The following RPS6KA4 variants were observed in gnomAD, a reference collection of about 807,000 sequenced individuals.
The protein encoded by RPS6KA4 is ribosomal protein S6 kinase A4.
RPS6KA4 carries 38 observed loss-of-function variants against 89.6 expected under a neutral mutation model. The ratio of observed to expected loss-of-function variants is 0.42; its 90% CI spans 0.33 to 0.56. RPS6KA4 has a LOEUF of 0.56. Among genes scored for constraint, RPS6KA4 ranks in the 20% least tolerant of loss-of-function variants. The pLI is 0.07. For missense variants in RPS6KA4, 873 were observed against 1,098.8 expected (o/e 0.79, Z 2.90); for synonymous variants, 495 against 492.8 (o/e 1.00, Z -0.06).
chr11:64,364,961 C>T (rs12575690), intron 8 of RPS6KA4, among the ~76,000 whole-genome samples: 9,057 of 150,192 alleles, frequency 0.06, 795 homozygotes, highest in African/African-American at 0.19. Context: ...CCATGTTAAC[C>T]AGGCTGGTCT....
chr11:64,359,550 C>G (rs573604616), intron 2 of RPS6KA4, 101 bp downstream of exon 2: 19 of 1,276,268 alleles, frequency 1.5e-5, no homozygotes, highest in African/African-American at 2.9e-5. Flanking sequence ...GCAGGCCCCC[C>G]ACCCTTTCCC....
intron 16 of RPS6KA4, 100 bp from the exon 17 acceptor site, chr11:64,371,183 C>T: frequency 8.5e-7 from 1 of 1,174,902 alleles, no homozygotes; most frequent in South Asian, 1.4e-5. Flanking sequence ...TCGGCCTTGA[C>T]CTAGGCGGCT....
At chr11:64,363,226 CTT>C in intron 8 of RPS6KA4, among the ~76,000 whole-genome samples, 1 of 152,354 alleles carries the variant, frequency 6.6e-6, no homozygotes, top group East Asian at 1.9e-4. Flanking sequence ...AGTGCCATCT[CTT>C]TGAATCTTCC....
intron 2 of RPS6KA4, chr11:64,359,821 T>C (rs918336062): frequency 1.2e-4 from 62 of 533,848 alleles, no homozygotes; most frequent in African/African-American, 1.1e-3. Context: ...CCCAGCCAGG[T>C]GCACACCTCT....
In RPS6KA4 at chr11:64,371,418, C is replaced by G. The variant is rs2037070606; in HGVS notation, c.2257C>G (p.Arg753Gly). 1 of 1,607,910 alleles carries G rather than the reference C, an allele frequency of 6.2e-7. No homozygotes were observed. Among genetic ancestry groups the G allele is most frequent in the Non-Finnish European group, 8.5e-7 (1 of 1,177,308 alleles). Residue 753 changes from arginine (R) to glycine (G), a missense_variant, in exon 17 of 17, where the codon CGA becomes GGA. Coordinates refer to ENST00000334205, the MANE Select transcript of RPS6KA4 (RefSeq NM_003942.3). ...RGSPAPANPG[R>G]APVASKGAPR... ...CTCCCCTGCACCAGCCAACCCGGGC[C>G]GAGCCCCCGTCGCCTCCAAAGGGGC...
chr11:64,368,047 C>T, intron 9 of RPS6KA4, 85 bp from the exon 10 acceptor site: 1 of 1,501,822 alleles, frequency 6.7e-7, no homozygotes, highest in Non-Finnish European at 9.1e-7. Flanking sequence ...AGGGTCTTGC[C>T]TTTGCCTGGT....
Position 64,361,091 on chromosome 11 carries a change from G to T in RPS6KA4, c.463-43G>T. Reference sequence around the variant, plus strand: ...GCCAGGAGCTGGAGGAGCTGGGGAGGGTTTCGGGGAGGAAGCCTCAGCACC... The same window carrying T: ...GCCAGGAGCTGGAGGAGCTGGGGAGTGTTTCGGGGAGGAAGCCTCAGCACC... On this transcript the variant is annotated intron_variant, in intron 4 of 16. Coordinates refer to ENST00000334205, the MANE Select transcript of RPS6KA4 (RefSeq NM_003942.3). This position sits in a 1 kb window ranked among gnomAD's most constrained non-coding sequence, Gnocchi z 4.7. 1 of 1,557,528 alleles carries T rather than the reference G, an allele frequency of 6.4e-7. No individual in the cohort carries two copies. Among genetic ancestry groups the T allele is most frequent in the Non-Finnish European group, 8.8e-7 (1 of 1,134,302 alleles).
At position 64,361,770 on chromosome 11, in the gene RPS6KA4, C is replaced by T. The variant is rs573933783; in HGVS notation, c.755+25C>T. 76 of 1,587,316 alleles carry T rather than the reference C, an allele frequency of 4.8e-5. No individual in the cohort carries two copies. Among genetic ancestry groups the T allele is most frequent in the South Asian group, 2.9e-4 (26 of 89,040 alleles). On this transcript the variant is annotated intron_variant, in intron 7 of 16. Transcript: ENST00000334205. This position sits in a 1 kb window ranked among gnomAD's most constrained non-coding sequence, Gnocchi z 4.7. ...GGTGAGTAGGGCTGGACGTGGAGGGCGGCCAGAGGGCTGCAGGGCCTGCCT... is the reference window on the plus strand; with the variant it reads ...GGTGAGTAGGGCTGGACGTGGAGGGTGGCCAGAGGGCTGCAGGGCCTGCCT...
rs988378759 is a variant in RPS6KA4 at position 64,361,312 on chromosome 11, G to A, written c.570+71G>A. ...TCCTTCCTGCCTCTTCCTGCTCTGG[G>A]CCTGCATTCTGGGGCTGCAGAAGTG... On this transcript the variant is annotated intron_variant, in intron 5 of 16. Coordinates refer to ENST00000334205, the MANE Select transcript of RPS6KA4 (RefSeq NM_003942.3). This position sits in a 1 kb window ranked among gnomAD's most constrained non-coding sequence, Gnocchi z 4.7. 32 of 1,492,822 alleles carry A rather than the reference G, an allele frequency of 2.1e-5. No homozygotes were observed. The highest frequency in any genetic ancestry group is 3.0e-5 in the Non-Finnish European group (32 of 1,077,608). 92.5% of individuals were successfully genotyped at this position (1,492,822 alleles called of 1,614,324 possible). A position where few individuals can be genotyped will look rare whatever the true frequency, so the allele number is the denominator to read the frequency against.
At position 64,371,306 on chromosome 11, in the gene RPS6KA4, G is replaced by GGGCTTCTTCTT; in HGVS notation, c.2154_2155insTTGGCTTCTTC (p.Lys720AlafsTer4). The stretch of plus-strand genomic sequence containing the variant: ...AGGCATTCAACCGGGGCAAGCGGGA[G>GGGCTTCTTCTT]GGCTTCTTCCTGAAGAGCGTGGAGA... On this transcript the variant is annotated frameshift_variant, in exon 17 of 17. Coordinates refer to ENST00000334205, the MANE Select transcript of RPS6KA4 (RefSeq NM_003942.3). LOFTEE classifies it high-confidence loss of function. 1 of 1,612,834 alleles carries GGGCTTCTTCTT rather than the reference G, an allele frequency of 6.2e-7. No homozygotes were observed. The highest frequency in any genetic ancestry group is 1.7e-5 in the Admixed American group (1 of 60,010).
At chr11:64,367,617 C>T (rs988295581) in intron 9 of RPS6KA4, among the ~76,000 whole-genome samples, 2 of 152,202 alleles carry the variant, frequency 1.3e-5, no homozygotes, top group African/African-American at 2.4e-5. Flanking sequence ...GGCCACAACA[C>T]GCAATTAAAA....
At position 64,370,654 on chromosome 11, in the gene RPS6KA4, C is replaced by T. The variant is rs1037901225; in HGVS notation, c.2049C>T (p.Pro683=). The T allele has an allele frequency of 5.7e-6, 9 of 1,572,174 alleles. No individual in the cohort carries two copies. Among genetic ancestry groups the T allele is most frequent in the Non-Finnish European group, 6.9e-6 (8 of 1,165,886 alleles). ...WLQDGSARSS[P]PLRTPDVLES... ...AGGACGGCAGCGCGCGCTCCTCGCC[C>T]CCGCTCCGGACGCCCGACGTGCTCG... The change falls in exon 16 of 17, where the codon CCC becomes CCT. Residue 683 remains proline (P), a synonymous_variant. Transcript: ENST00000334205. This position sits in a 1 kb window ranked among gnomAD's most constrained non-coding sequence, Gnocchi z 4.1.
chr11:64,360,404 C>G, intron 3 of RPS6KA4, 23 bp downstream of exon 3: 1 of 1,558,756 alleles, frequency 6.4e-7, no homozygotes, highest in Non-Finnish European at 8.7e-7. Flanking sequence ...CACATCCCAA[C>G]GGGGTTGGGG....
At position 64,368,244 on chromosome 11, in the gene RPS6KA4, GGA is replaced by G; in HGVS notation, c.1186_1187del (p.Ser396ArgfsTer240). Reference sequence around the variant, plus strand: ...CGGCCAGGTCGGGCAGCGGTGGCCAGGAGCGCTATGATGCAGGTGGGCTGGGC... The same window carrying G: ...CGGCCAGGTCGGGCAGCGGTGGCCAGGCGCTATGATGCAGGTGGGCTGGGC... On this transcript the variant is annotated frameshift_variant, in exon 10 of 17. Transcript: ENST00000334205. LOFTEE classifies it high-confidence loss of function. 1 of 1,613,458 alleles carries G rather than the reference GGA, an allele frequency of 6.2e-7. No homozygotes were observed. The highest frequency in any genetic ancestry group is 8.5e-7 in the Non-Finnish European group (1 of 1,180,020).
rs143154193 is a variant in RPS6KA4, at chr11:64,361,476, G to A, written c.578G>A (p.Arg193Gln). ...GACCTCTTGCCCTCCCAGAAAGAGC[G>A]GACCTTCTCCTTCTGTGGCACCATC... ...SKEFLTEEKERTFSFCGTIEY... is the reference protein window; with the variant it reads ...SKEFLTEEKEQTFSFCGTIEY... Residue 193 changes from arginine to glutamine, a missense_variant, in exon 6 of 17, where the codon CGG becomes CAG. By Grantham distance (43) the Arg-to-Gln change is conservative. Coordinates refer to ENST00000334205, the MANE Select transcript of RPS6KA4 (RefSeq NM_003942.3). The surrounding 1 kb of genome is among the most constrained non-coding windows in gnomAD (Gnocchi z 4.7). 8.1e-6 allele frequency: 13 copies of A among 1,613,952 alleles called. No homozygotes were observed. The highest frequency in any genetic ancestry group is 1.7e-5 in the Admixed American group (1 of 59,998).
At chr11:64,371,198 G>A in intron 16 of RPS6KA4, 85 bp from the exon 17 acceptor site, 1 of 1,384,498 alleles carries the variant, frequency 7.2e-7, no homozygotes, top group Middle Eastern at 1.8e-4. Context: ...GCGGCTGGAG[G>A]CAAGGTCTGG....
chr11:64,368,742 G>A lies in RPS6KA4; in HGVS notation c.1373G>A (p.Arg458His), dbSNP rs371615792. 3.3e-4 allele frequency: 512 copies of A among 1,574,540 alleles called. 4 individuals are homozygous for A. Among genetic ancestry groups the A allele is most frequent in the South Asian group, 3.1e-3 (268 of 86,172 alleles). ...ACGCAGCGCGAAGTGGCTGCCCTGC[G>A]CCTGTGCCAGTCACACCCCAACGTG... ...ANTQREVAAL[R>H]LCQSHPNVVN... The change falls in exon 12 of 17, where the codon CGC (arginine) becomes CAC (histidine). Residue 458 changes from arginine (R) to histidine (H), a missense_variant. By Grantham distance (29) the Arg-to-His change is conservative (BLOSUM62 0). Around this residue, in one of 4 missense-constraint regions of RPS6KA4, gnomAD observed 542 missense variants for 736.4 expected, o/e 0.74. Transcript: ENST00000334205.
intron 2 of RPS6KA4, chr11:64,359,653 C>G: frequency 1.7e-6 from 1 of 598,042 alleles, no homozygotes; most frequent in South Asian, 2.0e-5. Context: ...CCTCCCTCCA[C>G]GGTCCTGTGC....
At chr11:64,362,791 C>T (rs1290295498) in intron 8 of RPS6KA4, among the ~76,000 whole-genome samples, 1 of 152,228 alleles carries the variant, frequency 6.6e-6, no homozygotes, top group Admixed American at 6.5e-5. Flanking sequence ...CTGCCTCAGC[C>T]TCCCAAGTAG....
Sources: gnomAD v4.1 joint callset for allele counts (sites outside exome capture counted in the v4.1 genomes callset) on GRCh38, gnomAD v4.1.1 for gene constraint, gnomAD v4.1.1 regional missense constraint, Gnocchi (gnomAD v3.1) non-coding constraint, MANE v1.5 for transcripts, NCBI Gene and HGNC (gene_info 2026-07-23, HGNC 2026-07-21) for gene names.